Variants in CDC42BPA observed in about 807,000 individuals in gnomAD.
CDC42BPA encodes CDC42 binding protein kinase alpha.
Under a neutral mutation model 223.5 loss-of-function variants are expected in CDC42BPA, and 80 were observed. The observed-to-expected ratio is 0.36, with a 90% CI of 0.30 to 0.43. The LOEUF is 0.43. Among genes scored for constraint, CDC42BPA ranks in the 20% least tolerant of loss-of-function variants. The probability of loss-of-function intolerance (pLI) is 1.00; values close to 1 mark genes in which losing one functional copy is unlikely to be tolerated. For missense variants in CDC42BPA, 1,743 were observed against 2,099.9 expected (o/e 0.83, Z 3.32); for synonymous variants, 694 against 718.6 (o/e 0.97, Z 0.55).
chr1:227,012,263 C>A (rs1665364150), intron 34 of CDC42BPA, among the ~76,000 whole-genome samples: 1 of 152,006 alleles, frequency 6.6e-6, no homozygotes, highest in African/African-American at 2.4e-5. Flanking sequence ...ATTCTTGCAT[C>A]CAAATTAGAG....
chr1:227,109,550 G>A (rs1263726408), intron 14 of CDC42BPA, among the ~76,000 whole-genome samples: 1 of 152,012 alleles, frequency 6.6e-6, no homozygotes, highest in African/African-American at 2.4e-5. Context: ...ATTTTTAGTA[G>A]AGACGGGGTT....
rs140091366 is a variant in CDC42BPA at position 227,129,714 on chromosome 1, T to TATATATATATATATAC, written c.1391-484_1391-483insGTATATATATATATAT. 1.8e-4 allele frequency among the ~76,000 whole-genome samples: 19 copies of TATATATATATATATAC among 105,814 alleles called. 1 individual carries two copies. The highest frequency in any genetic ancestry group is 1.3e-3 in the South Asian group (4 of 3,122). The allele number at this position is 105,814 out of a possible 152,430, so 69.4% of individuals were successfully genotyped here. A position where few individuals can be genotyped will look rare whatever the true frequency, so the allele number is the denominator to read the frequency against. On this transcript the variant is annotated intron_variant, in intron 10 of 36. Coordinates refer to ENST00000366766, the MANE Select transcript of CDC42BPA (RefSeq NM_001394014.1). ...AAAAAATCCACTGCATATATATATA[T>TATATATATATATATAC]ACAAAAGAATCCACCTTCTAATAAT...
At chr1:227,192,875 T>C (rs962496901) in intron 5 of CDC42BPA, among the ~76,000 whole-genome samples, 8 of 152,062 alleles carry the variant, frequency 5.3e-5, no homozygotes, top group Admixed American at 3.9e-4. Flanking sequence ...AAATATATAA[T>C]ACAGGACTTA....
intron 11 of CDC42BPA, among the ~76,000 whole-genome samples, chr1:227,127,980 G>T (rs1164103719): frequency 6.6e-6 from 1 of 152,058 alleles, no homozygotes; most frequent in Non-Finnish European, 1.5e-5. Flanking sequence ...TGCTTATTCA[G>T]ATCATGTAAT....
At chr1:227,194,494 T>C (rs1182822653) in intron 4 of CDC42BPA, among the ~76,000 whole-genome samples, 1 of 152,232 alleles carries the variant, frequency 6.6e-6, no homozygotes, top group African/African-American at 2.4e-5. Flanking sequence ...TTTCTAATAC[T>C]GTAAAAATAT....
intron 5 of CDC42BPA, 72 bp downstream of exon 5, chr1:227,193,714 G>T: frequency 8.6e-7 from 1 of 1,158,534 alleles, no homozygotes; most frequent in Non-Finnish European, 1.2e-6. Flanking sequence ...AATAAATCTG[G>T]CAAGAAATAG....
intron 11 of CDC42BPA, among the ~76,000 whole-genome samples, chr1:227,121,235 A>C (rs1688617604): frequency 6.6e-6 from 1 of 152,186 alleles, no homozygotes; most frequent in Admixed American, 6.5e-5. Context: ...CAGAATCTAT[A>C]CAGTATCCTC....
intron 1 of CDC42BPA, among the ~76,000 whole-genome samples, chr1:227,304,904 T>G (rs1364437935): frequency 6.6e-6 from 1 of 152,202 alleles, no homozygotes; most frequent in Non-Finnish European, 1.5e-5. Flanking sequence ...CACACCAAAA[T>G]AAGTGAATTT....
Position 227,052,000 on chromosome 1 carries a change from C to T in CDC42BPA, c.2905-15G>A, listed in dbSNP as rs777155781. On this transcript the variant is annotated splice_polypyrimidine_tract_variant and intron_variant, in intron 21 of 36. Transcript: ENST00000366766. ...ACGGGATCAGTCTAGGAAAATAAGTCGGGAAAAATAAAAACCCAAAAAATC... is the reference window on the plus strand; with the variant it reads ...ACGGGATCAGTCTAGGAAAATAAGTTGGGAAAAATAAAAACCCAAAAAATC... 22 of 1,357,520 alleles carry T rather than the reference C, an allele frequency of 1.6e-5. No individual in the cohort carries two copies. Among genetic ancestry groups the T allele is most frequent in the African/African-American group, 7.4e-5 (5 of 67,478 alleles). 84.1% of individuals were successfully genotyped at this position (1,357,520 alleles called of 1,614,324 possible).
chr1:227,291,446 G>C (rs1689680827), intron 1 of CDC42BPA, among the ~76,000 whole-genome samples: 1 of 152,134 alleles, frequency 6.6e-6, no homozygotes, highest in African/African-American at 2.4e-5. Flanking sequence ...CTACTCAGGA[G>C]GCTGAGGCAG....
chr1:227,257,486 T>A (rs185659850), intron 1 of CDC42BPA, among the ~76,000 whole-genome samples: 2 of 81,470 alleles, frequency 2.5e-5, no homozygotes, highest in East Asian at 9.9e-4. Flanking sequence ...CTGGGCACAG[T>A]GGCCTGTAAT....
At chr1:227,280,511 T>A (rs561413005) in intron 1 of CDC42BPA, among the ~76,000 whole-genome samples, 2 of 152,320 alleles carry the variant, frequency 1.3e-5, no homozygotes, top group African/African-American at 2.4e-5. Flanking sequence ...CTCAAACAGA[T>A]GGATTTTAGA....
intron 3 of CDC42BPA, among the ~76,000 whole-genome samples, chr1:227,212,691 T>C (rs1348195144): frequency 1.3e-5 from 2 of 152,124 alleles, no homozygotes; most frequent in African/African-American, 4.8e-5. Flanking sequence ...TCCTGTAATA[T>C]AAAACAAAAT....
chr1:227,046,095 C>T (rs964892467), intron 23 of CDC42BPA, among the ~76,000 whole-genome samples: 1 of 152,210 alleles, frequency 6.6e-6, no homozygotes, highest in Admixed American at 6.5e-5. Flanking sequence ...TGTGAGCCAC[C>T]ACGTATCCCT....
intron 23 of CDC42BPA, among the ~76,000 whole-genome samples, chr1:227,041,963 A>G (rs1671467155): frequency 6.6e-6 from 1 of 152,216 alleles, no homozygotes; most frequent in South Asian, 2.1e-4. Context: ...GAAGGAATCT[A>G]TTAAAATCAT....
At chr1:227,188,517 A>G (rs994695800) in intron 5 of CDC42BPA, among the ~76,000 whole-genome samples, 3 of 152,232 alleles carry the variant, frequency 2.0e-5, no homozygotes, top group African/African-American at 4.8e-5. Flanking sequence ...ACTATGGTAC[A>G]TGCCGACAAT....
intron 1 of CDC42BPA, among the ~76,000 whole-genome samples, chr1:227,256,393 G>A (rs1342454558): frequency 6.6e-6 from 1 of 152,028 alleles, no homozygotes; most frequent in Non-Finnish European, 1.5e-5. Context: ...ACAGATGACA[G>A]GTTGATAGGT....
chr1:227,143,809 G>T (rs1660153605), intron 8 of CDC42BPA, among the ~76,000 whole-genome samples: 1 of 152,162 alleles, frequency 6.6e-6, no homozygotes, highest in African/African-American at 2.4e-5. Flanking sequence ...ACCTAACCCT[G>T]TATTTCCCTC....
chr1:227,225,288 C>A (rs916796572), intron 2 of CDC42BPA, among the ~76,000 whole-genome samples: 16 of 152,082 alleles, frequency 1.1e-4, no homozygotes, highest in African/African-American at 3.9e-4. Flanking sequence ...AACTGCAACC[C>A]TACTCAAGGG....
Sources: allele counts gnomAD v4.1 joint callset (sites outside exome capture counted in the v4.1 genomes callset), GRCh38; gene constraint gnomAD v4.1.1; transcripts MANE v1.5; gene names NCBI Gene and HGNC (gene_info 2026-07-23, HGNC 2026-07-21).